Variants in PPP2R3A observed in about 807,000 individuals in gnomAD.
PPP2R3A encodes the protein protein phosphatase 2 regulatory subunit B''alpha, also known as serine/threonine-protein phosphatase 2A regulatory subunit B'' subunit alpha.
A neutral mutation model predicts 106.9 loss-of-function variants in PPP2R3A; 80 were observed. That is an observed-to-expected ratio of 0.75 (90% confidence interval 0.62 to 0.90). The LOEUF is 0.90. Ranked by LOEUF, PPP2R3A falls within the 40% of genes least tolerant of loss-of-function variation. The pLI is 0.00. For synonymous variants in PPP2R3A, 483 were observed against 468.3 expected, an observed-to-expected ratio of 1.03 and a Z score of -0.41; for missense variants, 1,386 against 1,350.4, an observed-to-expected ratio of 1.03 and a Z score of -0.41.
chr3:135,973,583 G>GTGT (rs1937306780), intron 1 of PPP2R3A, among the ~76,000 whole-genome samples: 1 of 152,148 alleles, frequency 6.6e-6, no homozygotes, highest in African/African-American at 2.4e-5. Context: ...GTTGAATTCT[G>GTGT]TTGCTATTCC....
chr3:136,049,354 T>TA lies in PPP2R3A; in HGVS notation c.2463dup (p.Leu822ThrfsTer77). 1 of 1,600,160 alleles carries TA rather than the reference T, an allele frequency of 6.2e-7. No homozygotes were observed. On this transcript the variant is annotated frameshift_variant, in exon 5 of 14. Transcript: ENST00000264977. LOFTEE classifies it high-confidence loss of function. The stretch of plus-strand genomic sequence containing the variant: ...CTAGAACAGGAGGATTTCATCCCTC[T>TA]ACTTCAGGTAATTTTCATCTCCTTT...
intron 5 of PPP2R3A, among the ~76,000 whole-genome samples, chr3:136,060,883 AGATTTT>A: frequency 6.6e-6 from 1 of 152,220 alleles, no homozygotes. Context: ...CTAAGACAGT[AGATTTT>A]GTGTTTTCAC....
chr3:136,144,916 C>T, intron 13 of PPP2R3A, 127 bp from the exon 14 acceptor site: 1 of 990,424 alleles, frequency 1.0e-6, no homozygotes, highest in Non-Finnish European at 1.5e-6. Context: ...TTGAGTTGCT[C>T]ACGGCCTCCA....
chr3:136,129,926 T>A (rs1938336746), intron 13 of PPP2R3A, among the ~76,000 whole-genome samples: 1 of 152,240 alleles, frequency 6.6e-6, no homozygotes, highest in East Asian at 1.9e-4. Flanking sequence ...CACGATTATC[T>A]CAATAGATGC....
chr3:136,139,563 T>A (rs564843973), intron 13 of PPP2R3A, among the ~76,000 whole-genome samples: 13 of 151,930 alleles, frequency 8.6e-5, no homozygotes, highest in African/African-American at 3.1e-4. Context: ...CATGGTGTTA[T>A]GTGCCTGTAA....
At position 136,146,523 on chromosome 3, in the gene PPP2R3A, T is replaced by G. The variant is rs1038341825; in HGVS notation, c.*1357T>G. The G allele has an allele frequency of 4.6e-5, 7 of 152,166 alleles. No individual in the cohort carries two copies. Among genetic ancestry groups the G allele is most frequent in the African/African-American group, 1.7e-4 (7 of 41,430 alleles). 9.4% of individuals were successfully genotyped at this position (152,166 alleles called of 1,614,324 possible). A position where few individuals can be genotyped will look rare whatever the true frequency, so the allele number is the denominator to read the frequency against. The stretch of plus-strand genomic sequence containing the variant: ...GGTAGGCAAAAAGAAAAGGAGAATT[T>G]AGGAAATAAATATGCTATAAACAAG... On this transcript the variant is annotated 3_prime_UTR_variant, in exon 14 of 14. Coordinates refer to ENST00000264977, the MANE Select transcript of PPP2R3A (RefSeq NM_002718.5).
intron 13 of PPP2R3A, among the ~76,000 whole-genome samples, chr3:136,132,343 T>C (rs1443541955): frequency 6.6e-6 from 1 of 152,060 alleles, no homozygotes; most frequent in Non-Finnish European, 1.5e-5. Context: ...TATTCACAGA[T>C]GATGTGACCT....
chr3:135,981,988 G>A (rs1445474303), intron 1 of PPP2R3A, among the ~76,000 whole-genome samples: 1 of 151,808 alleles, frequency 6.6e-6, no homozygotes, highest in African/African-American at 2.4e-5. Context: ...AATGACTGGA[G>A]TTTGGAGAGG....
Position 136,071,832 on chromosome 3 carries a change from A to G in PPP2R3A, c.2544+1280A>G, listed in dbSNP as rs1266012464. Among the ~76,000 whole-genome samples the G allele has an allele frequency of 2.0e-5, 3 of 152,088 alleles. No individual in the cohort carries two copies. The East Asian group carries it at 5.8e-4, about 29-fold the overall frequency. On this transcript the variant is annotated intron_variant, in intron 6 of 13. Coordinates refer to ENST00000264977, the MANE Select transcript of PPP2R3A (RefSeq NM_002718.5). ...ACTCTGCTTCAGCCACCATGAGCAA[A>G]CCAAACCCACTTCTGCCTCACATGC...
In PPP2R3A at chr3:136,119,480, A is replaced by AATT. The variant is rs1207259762; in HGVS notation, c.3329+13160_3329+13161insTAT. On this transcript the variant is annotated intron_variant, in intron 13 of 13. Transcript: ENST00000264977. ...TGCAATCTATCCATCTGACAGGGCTAATATCCAAAATCTACAAAGAACTTA... is the reference window on the plus strand; with the variant it reads ...TGCAATCTATCCATCTGACAGGGCTAATTATATCCAAAATCTACAAAGAACTTA... Among the ~76,000 whole-genome samples, 10 of 152,362 alleles carry AATT rather than the reference A, an allele frequency of 6.6e-5. No homozygotes were observed. In the East Asian group the frequency reaches 1.9e-3, roughly 29 times the overall value.
At chr3:136,107,534 T>A (rs557028093) in intron 13 of PPP2R3A, among the ~76,000 whole-genome samples, 1 of 149,640 alleles carries the variant, frequency 6.7e-6, no homozygotes, top group Non-Finnish European at 1.5e-5. Flanking sequence ...GAAGAGCAGG[T>A]CTAGAGGGAT....
chr3:136,124,955 T>C (rs1017590429), intron 13 of PPP2R3A, among the ~76,000 whole-genome samples: 4 of 152,012 alleles, frequency 2.6e-5, no homozygotes, highest in African/African-American at 9.7e-5. Flanking sequence ...CAAGAAGAAA[T>C]TGAAAAATCA....
chr3:135,984,927 CA>C (rs1006212128), intron 1 of PPP2R3A, among the ~76,000 whole-genome samples: 2 of 152,078 alleles, frequency 1.3e-5, no homozygotes, highest in Non-Finnish European at 2.9e-5. Flanking sequence ...AGAGTTTGTG[CA>C]GAGAAACTCC....
At chr3:136,005,259 T>C (rs1933802012) in intron 2 of PPP2R3A, among the ~76,000 whole-genome samples, 1 of 152,116 alleles carries the variant, frequency 6.6e-6, no homozygotes, top group Non-Finnish European at 1.5e-5. Context: ...TTGGGCCCCA[T>C]CCCCAAGGTA....
chr3:136,108,485 G>A (rs926980031), intron 13 of PPP2R3A, among the ~76,000 whole-genome samples: 1 of 152,062 alleles, frequency 6.6e-6, no homozygotes, highest in Non-Finnish European at 1.5e-5. Context: ...AAGCAAATGG[G>A]ATCTTATTTA....
At chr3:136,021,757 A>C (rs927653846) in intron 2 of PPP2R3A, among the ~76,000 whole-genome samples, 2 of 152,150 alleles carry the variant, frequency 1.3e-5, no homozygotes, top group African/African-American at 2.4e-5. Flanking sequence ...CTAGTTGGAA[A>C]ATATTTGGGG....
chr3:135,987,283 A>G (rs1932962460), intron 1 of PPP2R3A, among the ~76,000 whole-genome samples: 1 of 152,198 alleles, frequency 6.6e-6, no homozygotes, highest in African/African-American at 2.4e-5. Flanking sequence ...TAGCAGTAAC[A>G]TAACCAGAGT....
At chr3:136,031,640 T>G (rs1934894136) in intron 3 of PPP2R3A, among the ~76,000 whole-genome samples, 2 of 152,252 alleles carry the variant, frequency 1.3e-5, no homozygotes, top group Admixed American at 6.5e-5. Flanking sequence ...GTTTCAGGTC[T>G]TAGATTTAAG....
intron 2 of PPP2R3A, among the ~76,000 whole-genome samples, chr3:136,017,096 A>C (rs1934304306): frequency 6.6e-6 from 1 of 152,184 alleles, no homozygotes; most frequent in Admixed American, 6.5e-5. Context: ...AGTTGGATAC[A>C]AAATTCTTGG....
Sources: gnomAD v4.1 joint callset for allele counts (sites outside exome capture counted in the v4.1 genomes callset) on GRCh38, gnomAD v4.1.1 for gene constraint, MANE v1.5 for transcripts, NCBI Gene and HGNC (gene_info 2026-07-23, HGNC 2026-07-21) for gene names.